The following CWC27 variants were observed in gnomAD, a reference collection of about 807,000 sequenced individuals.
The protein encoded by CWC27 is spliceosome-associated protein CWC27 homolog.
CWC27 carries 47 observed loss-of-function variants against 63.6 expected under a neutral mutation model. The observed-to-expected ratio is 0.74, with a 90% CI of 0.58 to 0.94. The LOEUF is 0.94. CWC27 is among the 40% of genes least tolerant of loss of function. The pLI, the probability that CWC27 is intolerant of heterozygous loss-of-function variation, is 0.00. For synonymous variants in CWC27, 175 were observed against 179.8 expected, an observed-to-expected ratio of 0.97 and a Z score of 0.22; for missense variants, 495 against 554.3, an observed-to-expected ratio of 0.89 and a Z score of 1.07.
intron 11 of CWC27, among the ~76,000 whole-genome samples, chr5:64,954,864 G>A (rs948828259): frequency 3.3e-5 from 5 of 151,838 alleles, no homozygotes; most frequent in Admixed American, 3.3e-4. Context: ...AACAAATACT[G>A]TTTATTCTTT....
At chr5:65,008,433 G>A (rs1468687024) in intron 13 of CWC27, among the ~76,000 whole-genome samples, 1 of 152,216 alleles carries the variant, frequency 6.6e-6, no homozygotes, top group African/African-American at 2.4e-5. Context: ...GTACAGGGTG[G>A]ATTATTTAAG....
At chr5:64,902,473 A>C (rs1747531282) in intron 11 of CWC27, among the ~76,000 whole-genome samples, 1 of 152,194 alleles carries the variant, frequency 6.6e-6, no homozygotes, top group Non-Finnish European at 1.5e-5. Flanking sequence ...ATTTGTTGAA[A>C]AGACAATCCT....
intron 10 of CWC27, among the ~76,000 whole-genome samples, chr5:64,879,790 C>CAAA: frequency 7.3e-6 from 1 of 136,508 alleles, no homozygotes; most frequent in African/African-American, 2.6e-5. Flanking sequence ...AAATCGGTTG[C>CAAA]AAAAAAAAAA....
At chr5:64,918,621 T>C (rs865929478) in intron 11 of CWC27, among the ~76,000 whole-genome samples, 3 of 152,224 alleles carry the variant, frequency 2.0e-5, no homozygotes, top group South Asian at 2.1e-4. Flanking sequence ...AAATTCTTTT[T>C]AATCTAGAAA....
chr5:64,960,849 G>A lies in CWC27; in HGVS notation c.1043-10854G>A, dbSNP rs77075712. Among the ~76,000 whole-genome samples the A allele has an allele frequency of 2.6e-3, 391 of 151,462 alleles. 1 individual carries two copies. Among genetic ancestry groups the A allele is most frequent in the Admixed American group, 5.4e-3 (82 of 15,202 alleles). ...GCTGGCTTTGAACTCCTAGGCCCAAGTGATCCTCCCACCTCAGCCTCCTGA... is the reference window on the plus strand; with the variant it reads ...GCTGGCTTTGAACTCCTAGGCCCAAATGATCCTCCCACCTCAGCCTCCTGA... On this transcript the variant is annotated intron_variant, in intron 11 of 13. Transcript: ENST00000381070.
chr5:64,987,657 T>C (rs1749461547), intron 13 of CWC27, among the ~76,000 whole-genome samples: 2 of 152,218 alleles, frequency 1.3e-5, no homozygotes, highest in African/African-American at 4.8e-5. Context: ...TTTCCTTCAC[T>C]TTAGAATGTC....
rs1390337185 is a variant in CWC27, at chr5:64,856,353, CTGA to C, written c.939-29087_939-29085del. Among the ~76,000 whole-genome samples the C allele has an allele frequency of 5.9e-5, 9 of 151,846 alleles. No individual in the cohort carries two copies. The South Asian group carries it at 1.7e-3, about 28-fold the overall frequency. The stretch of plus-strand genomic sequence containing the variant: ...TATTATACTGTAATTTACTGTAAAA[CTGA>C]TGGAGTCAGTTTTATTAAATTCCCT... On this transcript the variant is annotated intron_variant, in intron 10 of 13. Transcript: ENST00000381070.
At chr5:64,913,974 T>C (rs1344961424) in intron 11 of CWC27, among the ~76,000 whole-genome samples, 1 of 152,108 alleles carries the variant, frequency 6.6e-6, no homozygotes, top group Non-Finnish European at 1.5e-5. Flanking sequence ...GGGATTGATA[T>C]GATGACTGAC....
intron 13 of CWC27, among the ~76,000 whole-genome samples, chr5:65,011,119 G>C (rs887926151): frequency 1.3e-5 from 2 of 152,168 alleles, no homozygotes; most frequent in African/African-American, 4.8e-5. Context: ...AGCTGCTTGG[G>C]AGGCAGAGGC....
At chr5:64,834,234 T>C (rs1745600595) in intron 10 of CWC27, among the ~76,000 whole-genome samples, 1 of 151,656 alleles carries the variant, frequency 6.6e-6, no homozygotes, top group Non-Finnish European at 1.5e-5. Context: ...ACAACTTTTT[T>C]CTGTGATTTT....
chr5:64,912,374 G>C (rs76468880), intron 11 of CWC27, among the ~76,000 whole-genome samples: 5,529 of 152,026 alleles, frequency 0.036, 354 homozygotes, highest in African/African-American at 0.13. Flanking sequence ...AGTCCTAAAG[G>C]GACTCCAGAT....
chr5:64,986,686 C>G (rs924299753), intron 13 of CWC27, among the ~76,000 whole-genome samples: 3 of 142,322 alleles, frequency 2.1e-5, no homozygotes, highest in African/African-American at 6.1e-5. Context: ...TTTATCAGAG[C>G]CCCCCCCGGA....
intron 10 of CWC27, among the ~76,000 whole-genome samples, chr5:64,826,076 AATCTATCTATCT>A (rs148024057): frequency 4.7e-5 from 7 of 148,316 alleles, no homozygotes; most frequent in Admixed American, 6.7e-5. Context: ...CTTTGTAATA[AATCTATCTATCT>A]ATCTATCTAT....
At chr5:64,875,238 A>G (rs978852962) in intron 10 of CWC27, among the ~76,000 whole-genome samples, 16 of 152,304 alleles carry the variant, frequency 1.1e-4, no homozygotes, top group African/African-American at 3.1e-4. Flanking sequence ...TTAAAAATAC[A>G]TATGATCTTT....
chr5:64,786,434 G>C (rs1364892500), intron 5 of CWC27, 90 bp from the exon 6 acceptor site: 1 of 662,238 alleles, frequency 1.5e-6, no homozygotes, highest in Non-Finnish European at 2.4e-6. Context: ...GAAAAATATA[G>C]ACACTATACC....
chr5:64,989,250 T>G (rs1269315153), intron 13 of CWC27, among the ~76,000 whole-genome samples: 1 of 152,224 alleles, frequency 6.6e-6, no homozygotes, highest in Non-Finnish European at 1.5e-5. Flanking sequence ...CTCACATATG[T>G]ACTGTTCTGC....
chr5:64,938,201 G>A (rs1165727022), intron 11 of CWC27, among the ~76,000 whole-genome samples: 2 of 152,032 alleles, frequency 1.3e-5, no homozygotes, highest in Non-Finnish European at 2.9e-5. Context: ...TCATAGTGTC[G>A]ATGGTCTTTA....
At chr5:64,881,988 T>C (rs1445356266) in intron 10 of CWC27, among the ~76,000 whole-genome samples, 2 of 152,192 alleles carry the variant, frequency 1.3e-5, no homozygotes, top group African/African-American at 2.4e-5. Context: ...AAATGGAAGA[T>C]GTGTTTGCTG....
intron 11 of CWC27, among the ~76,000 whole-genome samples, chr5:64,931,537 AT>A (rs1431543278): frequency 6.6e-6 from 1 of 151,728 alleles, no homozygotes; most frequent in Non-Finnish European, 1.5e-5. Flanking sequence ...GACTTAACCC[AT>A]TTTTTTACCC....
Sources: allele counts gnomAD v4.1 joint callset (sites outside exome capture counted in the v4.1 genomes callset), GRCh38; gene constraint gnomAD v4.1.1; transcripts MANE v1.5; gene names NCBI Gene and HGNC (gene_info 2026-07-23, HGNC 2026-07-21).